The following GATAD2A variants were observed in gnomAD, a reference collection of about 807,000 sequenced individuals.
GATAD2A encodes the protein transcriptional repressor p66-alpha.
A neutral mutation model predicts 68.5 loss-of-function variants in GATAD2A; 12 were observed. The ratio of observed to expected loss-of-function variants is 0.18; its 90% CI spans 0.11 to 0.28. The LOEUF (loss-of-function observed/expected upper bound fraction) is 0.28. Among genes scored for constraint, GATAD2A ranks in the 10% least tolerant of loss-of-function variants. GATAD2A has a pLI of 1.00. For synonymous variants in GATAD2A, 410 were observed against 375.3 expected, an observed-to-expected ratio of 1.09 and a Z score of -1.07; for missense variants, 755 against 868.5, an observed-to-expected ratio of 0.87 and a Z score of 1.64.
chr19:19,492,276 G>A (rs776422900), intron 2 of GATAD2A, 30 bp from the exon 3 acceptor site: 20 of 1,585,852 alleles, frequency 1.3e-5, no homozygotes, highest in African/African-American at 8.1e-5. Flanking sequence ...TGTCAAGGGC[G>A]CTCTGGTCAC....
chr19:19,490,639 A>G (rs116900686), intron 2 of GATAD2A, among the ~76,000 whole-genome samples: 273 of 152,268 alleles, frequency 1.8e-3, no homozygotes, highest in Non-Finnish European at 3.0e-3. Context: ...ATGAATGTAC[A>G]ATGAGGCCGA....
intron 1 of GATAD2A, among the ~76,000 whole-genome samples, chr19:19,395,588 G>A (rs941685545): frequency 2.0e-5 from 3 of 152,172 alleles, no homozygotes; most frequent in African/African-American, 7.2e-5. Flanking sequence ...AAACTCAGAG[G>A]CCTATCTGGC....
intron 1 of GATAD2A, among the ~76,000 whole-genome samples, chr19:19,443,351 A>G (rs947575136): frequency 2.6e-5 from 4 of 152,154 alleles, no homozygotes; most frequent in African/African-American, 9.6e-5. Context: ...CAGGGACGCC[A>G]TTTGCAAAAC....
chr19:19,473,159 G>T (rs889967831), intron 2 of GATAD2A, among the ~76,000 whole-genome samples: 5 of 152,150 alleles, frequency 3.3e-5, no homozygotes, highest in African/African-American at 1.2e-4. Flanking sequence ...GGCAGCTCTT[G>T]TGTCTTGCTC....
At chr19:19,433,796 A>T (rs2054014321) in intron 1 of GATAD2A, among the ~76,000 whole-genome samples, 1 of 151,952 alleles carries the variant, frequency 6.6e-6, no homozygotes, top group African/African-American at 2.4e-5. Flanking sequence ...TTTTTTTGAG[A>T]CAAGGTCTTG....
rs902680734 is a variant in GATAD2A at position 19,485,793 on chromosome 19, G to C, written c.270-6513G>C. Reference sequence around the variant, plus strand: ...TTGCAGAGTTTGGTCTGGTGTACAGGGTTTGTCAGCCATGAGTATTAGGGC... The same window carrying C: ...TTGCAGAGTTTGGTCTGGTGTACAGCGTTTGTCAGCCATGAGTATTAGGGC... On this transcript the variant is annotated intron_variant, in intron 2 of 11. Coordinates refer to ENST00000683918, the MANE Select transcript of GATAD2A (RefSeq NM_001384528.1). Among the ~76,000 whole-genome samples, 3 of 152,172 alleles carry C rather than the reference G, an allele frequency of 2.0e-5. 1 individual carries two copies. In the South Asian group the frequency reaches 6.2e-4, roughly 31 times the overall value.
At chr19:19,497,728 A>G (rs10402451) in intron 7 of GATAD2A, among the ~76,000 whole-genome samples, 65,565 of 151,964 alleles carry the variant, frequency 0.43, 15,551 homozygotes, top group African/African-American at 0.63. Flanking sequence ...AGCTTTCATC[A>G]TATTTCCAGA....
rs564402713 is a variant in GATAD2A, at chr19:19,469,389, G to A, written c.269+3775G>A. Among the ~76,000 whole-genome samples the A allele has an allele frequency of 1.1e-4, 16 of 140,232 alleles. No individual in the cohort carries two copies. The South Asian group carries it at 1.8e-3, about 16-fold the overall frequency. 92.0% of individuals were successfully genotyped at this position (140,232 alleles called of 152,430 possible). On this transcript the variant is annotated intron_variant, in intron 2 of 11. Coordinates refer to ENST00000683918, the MANE Select transcript of GATAD2A (RefSeq NM_001384528.1). ...GGAGCTTGCAGTGAGCCAAGATCGCGCCACTGCACTCCAACCTGGATGAAA... is the reference window on the plus strand; with the variant it reads ...GGAGCTTGCAGTGAGCCAAGATCGCACCACTGCACTCCAACCTGGATGAAA...
intron 1 of GATAD2A, among the ~76,000 whole-genome samples, chr19:19,432,285 T>C (rs951595947): frequency 4.0e-5 from 6 of 151,852 alleles, no homozygotes; most frequent in Non-Finnish European, 8.8e-5. Context: ...GTGGTTTTTG[T>C]TTTGTTTTGT....
intron 1 of GATAD2A, among the ~76,000 whole-genome samples, chr19:19,451,375 G>T (rs752799982): frequency 1.3e-5 from 2 of 152,208 alleles, no homozygotes; most frequent in East Asian, 3.9e-4. Flanking sequence ...CAGGTGGGCT[G>T]TGAATTAGAA....
At chr19:19,467,007 A>G (rs2057918065) in intron 2 of GATAD2A, among the ~76,000 whole-genome samples, 1 of 152,110 alleles carries the variant, frequency 6.6e-6, no homozygotes, top group Admixed American at 6.5e-5. Flanking sequence ...GCTGACATGC[A>G]TTTTCTCCTG....
intron 1 of GATAD2A, among the ~76,000 whole-genome samples, chr19:19,418,312 C>G (rs1248370576): frequency 1.3e-5 from 2 of 152,190 alleles, no homozygotes; most frequent in African/African-American, 4.8e-5. Flanking sequence ...TTTGATCCGT[C>G]CTCGTGTGTC....
chr19:19,428,118 C>T (rs2053311462), intron 1 of GATAD2A: 3 of 152,178 alleles, frequency 2.0e-5, no homozygotes, highest in African/African-American at 2.4e-5. Flanking sequence ...GAAGTCATTT[C>T]CTCTTTTGTT....
intron 1 of GATAD2A, among the ~76,000 whole-genome samples, chr19:19,457,515 C>T (rs912759451): frequency 4.6e-5 from 7 of 152,102 alleles, no homozygotes; most frequent in South Asian, 2.1e-4. Context: ...CCGAGGCGGG[C>T]GGATCACGAG....
At chr19:19,406,248 G>A (rs2050227163) in intron 1 of GATAD2A, among the ~76,000 whole-genome samples, 1 of 151,998 alleles carries the variant, frequency 6.6e-6, no homozygotes, top group African/African-American at 2.4e-5. Context: ...TGGGGGCCGG[G>A]CGGGGGTCCC....
In GATAD2A at chr19:19,414,024, C is replaced by T. The variant is rs1173705267; in HGVS notation, c.-7+8005C>T. On this transcript the variant is annotated intron_variant, in intron 1 of 11. Coordinates refer to ENST00000683918, the MANE Select transcript of GATAD2A (RefSeq NM_001384528.1). The stretch of plus-strand genomic sequence containing the variant: ...GAGTCTTTTTGTTGTTGTCTCTTTT[C>T]TGACTGTACAAGCAACATTTCCTGA... Among the ~76,000 whole-genome samples, 3 of 152,150 alleles carry T rather than the reference C, an allele frequency of 2.0e-5. No individual in the cohort carries two copies. In the East Asian group the frequency reaches 5.8e-4, roughly 29 times the overall value.
At chr19:19,467,160 G>A (rs2057933214) in intron 2 of GATAD2A, among the ~76,000 whole-genome samples, 1 of 152,196 alleles carries the variant, frequency 6.6e-6, no homozygotes, top group Non-Finnish European at 1.5e-5. Flanking sequence ...TGGATCACAA[G>A]GTCAGGAGAT....
intron 1 of GATAD2A, among the ~76,000 whole-genome samples, chr19:19,460,295 A>G (rs923416558): frequency 6.6e-6 from 1 of 152,160 alleles, no homozygotes; most frequent in Admixed American, 6.5e-5. Context: ...CTGTGCATCA[A>G]TCTGTGTGAA....
chr19:19,411,061 C>T (rs1568708495), intron 1 of GATAD2A, among the ~76,000 whole-genome samples: 1 of 152,244 alleles, frequency 6.6e-6, no homozygotes, highest in Non-Finnish European at 1.5e-5. Flanking sequence ...TCATGGCAAA[C>T]TGTCACTGTC....
Sources: gnomAD v4.1 joint callset for allele counts (sites outside exome capture counted in the v4.1 genomes callset) on GRCh38, gnomAD v4.1.1 for gene constraint, MANE v1.5 for transcripts, NCBI Gene and HGNC (gene_info 2026-07-23, HGNC 2026-07-21) for gene names.